The following ZNG1A variants were observed in gnomAD, a reference collection of about 807,000 sequenced individuals.
ZNG1A encodes the protein zinc-regulated GTPase metalloprotein activator 1A.
At chr9:175,385 TAAAATAAAATAA>T in the ZNG1A span, among the ~76,000 whole-genome samples, 7,409 of 149,506 alleles carry the variant, frequency 0.05, 231 homozygotes, top group African/African-American at 0.087. Flanking sequence ...TCAAAAAAAA[TAAAATAAAATAA>T]AAAATAAACG....
chr9:127,341 T>C, the ZNG1A span, among the ~76,000 whole-genome samples: 174 of 151,956 alleles, frequency 1.1e-3, 1 homozygote, highest in African/African-American at 3.6e-3. Flanking sequence ...TTAGTAATTC[T>C]TTTATAAATT....
At chr9:163,998 C>T in the ZNG1A span, 2 of 1,597,634 alleles carry the variant, frequency 1.3e-6, no homozygotes, top group Non-Finnish European at 1.7e-6. Context: ...AATATCACTC[C>T]CTAATTCAGC....
chr9:177,128 A>C, the ZNG1A span, among the ~76,000 whole-genome samples: 1 of 152,294 alleles, frequency 6.6e-6, no homozygotes, highest in East Asian at 1.9e-4. Context: ...AGGGGCTAAA[A>C]CACTTGGCAC....
At chr9:172,246 A>T in the ZNG1A span, 1 of 1,581,564 alleles carries the variant, frequency 6.3e-7, no homozygotes, top group Non-Finnish European at 8.7e-7. Flanking sequence ...ACACTTTAAA[A>T]TATATTCAAC....
chr9:128,861 AC>A, the ZNG1A span, among the ~76,000 whole-genome samples: 2 of 151,134 alleles, frequency 1.3e-5, no homozygotes, highest in African/African-American at 2.5e-5. Flanking sequence ...CTTTCGTCCT[AC>A]GGGGTGTTCC....
the ZNG1A span, among the ~76,000 whole-genome samples, chr9:178,179 TCA>T: frequency 1.3e-5 from 2 of 150,596 alleles, no homozygotes; most frequent in African/African-American, 4.9e-5. Flanking sequence ...ACTACCAAGT[TCA>T]CAAACTTGTG....
chr9:176,987 G>A, the ZNG1A span, among the ~76,000 whole-genome samples: 1 of 152,158 alleles, frequency 6.6e-6, no homozygotes, highest in Non-Finnish European at 1.5e-5. Context: ...GGGGAATGGA[G>A]GGGAATTCAG....
At chr9:145,206 CT>C in the ZNG1A span, among the ~76,000 whole-genome samples, 1 of 151,830 alleles carries the variant, frequency 6.6e-6, no homozygotes, top group Non-Finnish European at 1.5e-5. Flanking sequence ...GGTATATACC[CT>C]AAAGGACTAT....
the ZNG1A span, among the ~76,000 whole-genome samples, chr9:152,672 G>C: frequency 6.6e-6 from 1 of 151,938 alleles, no homozygotes; most frequent in African/African-American, 2.4e-5. Context: ...ATATGGCTTC[G>C]TATGGCACCA....
chr9:176,975 G>T, the ZNG1A span, among the ~76,000 whole-genome samples: 45 of 152,134 alleles, frequency 3.0e-4, no homozygotes, highest in African/African-American at 1.1e-3. Context: ...ATCAAGGGAA[G>T]GGGGGAATGG....
chr9:146,123 A>G, the ZNG1A span: 1 of 1,571,356 alleles, frequency 6.4e-7, no homozygotes, highest in Non-Finnish European at 8.6e-7. Context: ...GAGACTATCA[A>G]AGGCATGAAG....
At chr9:165,160 T>A in the ZNG1A span, among the ~76,000 whole-genome samples, 3 of 152,154 alleles carry the variant, frequency 2.0e-5, no homozygotes, top group African/African-American at 7.2e-5. Context: ...CAATAAGAAT[T>A]TTGTTCACTT....
chr9:147,163 G>A, the ZNG1A span: 11 of 122,506 alleles, frequency 9.0e-5, no homozygotes, highest in Non-Finnish European at 1.8e-4. Context: ...GGCACAGAGT[G>A]AGACTCCGCC....
chr9:142,921 C>T, the ZNG1A span, among the ~76,000 whole-genome samples: 33 of 117,354 alleles, frequency 2.8e-4, 3 homozygotes, highest in Admixed American at 5.5e-4. Context: ...AACACCTCTA[C>T]GCAAATAAAC....
At chr9:152,315 A>G in the ZNG1A span, among the ~76,000 whole-genome samples, 7 of 152,210 alleles carry the variant, frequency 4.6e-5, no homozygotes, top group African/African-American at 1.7e-4. Flanking sequence ...ATATGCAAAA[A>G]TTCGCACAAC....
the ZNG1A span, among the ~76,000 whole-genome samples, chr9:145,351 T>G: frequency 2.7e-5 from 4 of 150,484 alleles, no homozygotes; most frequent in East Asian, 2.0e-4. Context: ...ATATACACCA[T>G]GGAATACTAT....
At chr9:147,015 C>G in the ZNG1A span, 8 of 150,194 alleles carry the variant, frequency 5.3e-5, no homozygotes, top group African/African-American at 2.0e-4. Flanking sequence ...CTGTCTCTAC[C>G]AAAAATACAA....
At chr9:169,763 T>G in the ZNG1A span, among the ~76,000 whole-genome samples, 2 of 150,936 alleles carry the variant, frequency 1.3e-5, no homozygotes, top group Non-Finnish European at 2.9e-5. Context: ...TGTTAGCATT[T>G]TTTAGCAATA....
the ZNG1A span, among the ~76,000 whole-genome samples, chr9:140,092 G>A: frequency 1.7e-3 from 258 of 150,860 alleles, 19 homozygotes; most frequent in African/African-American, 6.0e-3. Flanking sequence ...GGGGAGGGGC[G>A]CTGGCCATTG....
Sources: allele counts gnomAD v4.1 joint callset (sites outside exome capture counted in the v4.1 genomes callset), GRCh38; gene constraint gnomAD v4.1.1; transcripts MANE v1.5; gene names NCBI Gene and HGNC (gene_info 2026-07-23, HGNC 2026-07-21).